Variants in CACNA1C observed in about 807,000 individuals in gnomAD.
CACNA1C encodes the protein calcium voltage-gated channel subunit alpha1 C.
Under a neutral mutation model 229.0 loss-of-function variants are expected in CACNA1C, and 30 were observed. That is an observed-to-expected ratio of 0.13 (90% CI 0.10 to 0.18). The LOEUF (loss-of-function observed/expected upper bound fraction) is 0.18. Ranked by LOEUF, CACNA1C falls within the 10% of genes least tolerant of loss-of-function variation. The pLI, the probability that CACNA1C is intolerant of heterozygous loss-of-function variation, is 1.00. For missense variants in CACNA1C, 1,658 were observed against 2,845.0 expected (o/e 0.58, Z 9.49); for synonymous variants, 1,114 against 1,132.5 (o/e 0.98, Z 0.33).
At chr12:2,519,836 G>C (rs1030680979) in intron 9 of CACNA1C, among the ~76,000 whole-genome samples, 2 of 152,210 alleles carry the variant, frequency 1.3e-5, no homozygotes, top group African/African-American at 2.4e-5. Context: ...ATCCAGAAGG[G>C]GTCTGTTCAT....
chr12:2,591,868 C>T (rs554846456), intron 18 of CACNA1C, among the ~76,000 whole-genome samples: 9 of 152,274 alleles, frequency 5.9e-5, no homozygotes, highest in Non-Finnish European at 8.8e-5. Flanking sequence ...TTGTGGTTGC[C>T]GGCAGTCCTT....
chr12:2,138,647 G>A (rs2093805674), intron 3 of CACNA1C, among the ~76,000 whole-genome samples: 2 of 150,972 alleles, frequency 1.3e-5, no homozygotes, highest in Admixed American at 1.3e-4. Flanking sequence ...TTATCCCAGA[G>A]AGAGGTGAAG....
intron 3 of CACNA1C, among the ~76,000 whole-genome samples, chr12:2,408,864 C>G (rs751148805): frequency 6.6e-6 from 1 of 152,108 alleles, no homozygotes; most frequent in Non-Finnish European, 1.5e-5. Context: ...CTTCTGAAAC[C>G]TTGCATTGAT....
At chr12:2,525,838 A>C (rs1190949526) in intron 9 of CACNA1C, among the ~76,000 whole-genome samples, 1 of 152,204 alleles carries the variant, frequency 6.6e-6, no homozygotes, top group Non-Finnish European at 1.5e-5. Context: ...TGTCCTCTTA[A>C]ATAACTATGA....
chr12:2,453,465 G>A (rs1430817315), intron 4 of CACNA1C, among the ~76,000 whole-genome samples: 2 of 152,120 alleles, frequency 1.3e-5, no homozygotes, highest in East Asian at 3.8e-4. Context: ...GAAGAAACAC[G>A]ACCCAGCGTG....
At chr12:2,567,206 G>A (rs541303547) in intron 12 of CACNA1C, among the ~76,000 whole-genome samples, 16 of 152,290 alleles carry the variant, frequency 1.1e-4, no homozygotes, top group East Asian at 3.9e-4. Context: ...CAGACAGTGC[G>A]GCTCCAACTG....
chr12:1,974,673 T>A (rs1007683588), intron 1 of CACNA1C, among the ~76,000 whole-genome samples: 4 of 152,132 alleles, frequency 2.6e-5, no homozygotes, highest in African/African-American at 9.7e-5. Context: ...TCCAAGCTAT[T>A]CATATTCTAG....
chr12:2,067,481 T>TGCGTGC lies in CACNA1C; in HGVS notation c.49+13873_49+13874insTGCGCG, dbSNP rs2059778013. ...GTGTGTGTGTGTGTGTGTGTGTGTG[T>TGCGTGC]GCGCGCGTGTGCGTGCCTGTATGTA... is the stretch of plus-strand genomic sequence containing the variant. On this transcript the variant is annotated intron_variant, in intron 1 of 46. Transcript: ENST00000399655. The surrounding 1 kb of genome is among the most constrained non-coding windows in gnomAD (Gnocchi z 5.3). Among the ~76,000 whole-genome samples, 2 of 140,892 alleles carry TGCGTGC rather than the reference T, an allele frequency of 1.4e-5. No homozygotes were observed. The highest frequency in any genetic ancestry group is 4.6e-4 in the South Asian group (2 of 4,362). The allele number at this position is 140,892 out of a possible 152,430, so 92.4% of individuals were successfully genotyped here.
chr12:2,211,982 A>C (rs1206343489), intron 3 of CACNA1C, among the ~76,000 whole-genome samples: 1 of 151,886 alleles, frequency 6.6e-6, no homozygotes, highest in Non-Finnish European at 1.5e-5. Flanking sequence ...CAGCCTCCCA[A>C]CGTGCTGGGA....
chr12:2,654,672 A>G lies in CACNA1C; in HGVS notation c.4141-475A>G, dbSNP rs908636836. 2.6e-5 allele frequency among the ~76,000 whole-genome samples: 4 copies of G among 152,252 alleles called. No homozygotes were observed. Among genetic ancestry groups the G allele is most frequent in the African/African-American group, 9.6e-5 (4 of 41,462 alleles). On this transcript the variant is annotated intron_variant, in intron 33 of 46. Coordinates refer to ENST00000399655, the MANE Select transcript of CACNA1C (RefSeq NM_000719.7). The surrounding 1 kb of genome is among the most constrained non-coding windows in gnomAD (Gnocchi z 4.4). ...TGATAAAGGTGGCAGTTTCTAAGAT[A>G]AGCACAGCTTTAAAAGACCAGGAAG...
rs564133209 is a variant in CACNA1C, at chr12:2,534,589, C to T, written c.1391-15354C>T. On this transcript the variant is annotated intron_variant, in intron 9 of 46. Transcript: ENST00000399655. ...ATCTTAGAGATCTCCTCTCAACCTT[C>T]ACCTCCCCCACCCCTGCAGCAAATG... Among the ~76,000 whole-genome samples, 14 of 152,318 alleles carry T rather than the reference C, an allele frequency of 9.2e-5. No homozygotes were observed. In the South Asian group the frequency reaches 2.9e-3, roughly 32 times the overall value.
chr12:2,631,699 C>G (rs888745532), intron 29 of CACNA1C, among the ~76,000 whole-genome samples: 3 of 152,212 alleles, frequency 2.0e-5, no homozygotes, highest in African/African-American at 7.2e-5. Context: ...CAAGAAAGCC[C>G]TGATTTGAAG....
At chr12:2,402,330 A>G (rs758469892) in intron 3 of CACNA1C, among the ~76,000 whole-genome samples, 2 of 152,266 alleles carry the variant, frequency 1.3e-5, no homozygotes, top group Non-Finnish European at 2.9e-5. Context: ...GTGGCTGGCT[A>G]GGAGACTCTG....
intron 3 of CACNA1C, among the ~76,000 whole-genome samples, chr12:2,298,236 A>C (rs1005287027): frequency 1.3e-5 from 2 of 152,206 alleles, no homozygotes; most frequent in African/African-American, 4.8e-5. Flanking sequence ...GCCTTCTTTC[A>C]CAAGGAACAC....
chr12:2,321,223 G>C (rs1041998188), intron 3 of CACNA1C, among the ~76,000 whole-genome samples: 1 of 151,978 alleles, frequency 6.6e-6, no homozygotes, highest in African/African-American at 2.4e-5. Context: ...TGGTCGTTGG[G>C]GGGGTGGGGG....
intron 3 of CACNA1C, among the ~76,000 whole-genome samples, chr12:2,378,528 C>A (rs1002482243): frequency 6.6e-6 from 1 of 152,218 alleles, no homozygotes; most frequent in Non-Finnish European, 1.5e-5. Flanking sequence ...AGCACAGGCC[C>A]ATGGGAGCCA....
intron 3 of CACNA1C, among the ~76,000 whole-genome samples, chr12:2,340,291 T>A (rs2096825796): frequency 6.6e-6 from 1 of 152,390 alleles, no homozygotes; most frequent in South Asian, 2.1e-4. Flanking sequence ...AGTTATGTTT[T>A]TTGCTTTATT....
At position 2,289,805 on chromosome 12, in the gene CACNA1C, C is replaced by T. The variant is rs138359338; in HGVS notation, c.478-159171C>T. On this transcript the variant is annotated intron_variant, in intron 3 of 46. Transcript: ENST00000399655. ...GGATCCCAAGTGGTCAGAACAGCTT[C>T]CCTATTTTGCCATTTACATGTTCAC... Among the ~76,000 whole-genome samples, 1,463 of 152,304 alleles carry T rather than the reference C, an allele frequency of 9.6e-3. 18 individuals carry two copies. The highest frequency in any genetic ancestry group is 0.034 in the African/African-American group (1,399 of 41,562).
chr12:2,034,622 T>C lies in CACNA1C; in HGVS notation c.139+63421T>C, dbSNP rs561460007. On this transcript the variant is annotated intron_variant, in intron 1 of 46. Transcript: ENST00000682462. This position sits in a 1 kb window ranked among gnomAD's most constrained non-coding sequence, Gnocchi z 4.1. ...GCTCAAAGAGAAGGCCAGTGTAATA[T>C]GCTGGTTCAATATCCGACGACTTTG... Among the ~76,000 whole-genome samples, 2 of 152,298 alleles carry C rather than the reference T, an allele frequency of 1.3e-5. No homozygotes were observed. Among genetic ancestry groups the C allele is most frequent in the African/African-American group, 2.4e-5 (1 of 41,562 alleles).
Sources: gnomAD v4.1 joint callset for allele counts (sites outside exome capture counted in the v4.1 genomes callset) on GRCh38, gnomAD v4.1.1 for gene constraint, Gnocchi (gnomAD v3.1) non-coding constraint, MANE v1.5 for transcripts, NCBI Gene and HGNC (gene_info 2026-07-23, HGNC 2026-07-21) for gene names.